Variants in CTC1 observed in about 807,000 individuals in gnomAD.
CTC1 encodes CST telomere replication complex component 1.
In CTC1, 91 loss-of-function variants were observed where a neutral mutation model predicts 136.3. That is an observed-to-expected ratio of 0.67 (90% confidence interval 0.56 to 0.79). The LOEUF (loss-of-function observed/expected upper bound fraction) is 0.79. Among genes scored for constraint, CTC1 ranks in the 30% least tolerant of loss-of-function variants. The pLI is 0.00. For missense variants in CTC1, 1,432 were observed against 1,498.1 expected (o/e 0.96, Z 0.73); for synonymous variants, 606 against 613.8 (o/e 0.99, Z 0.19).
chr17:8,244,236 C>T (rs1224860401), intron 1 of CTC1, among the ~76,000 whole-genome samples: 1 of 152,136 alleles, frequency 6.6e-6, no homozygotes, highest in African/African-American at 2.4e-5. Context: ...CAAGATACAA[C>T]CTCACTTGAT....
rs1060499949 is a variant in CTC1 at position 8,238,625 on chromosome 17, C to T, written c.202G>A (p.Val68Ile). 46 of 1,595,036 alleles carry T rather than the reference C, an allele frequency of 2.9e-5. No individual in the cohort carries two copies. Among genetic ancestry groups the T allele is most frequent in the African/African-American group, 8.1e-5 (6 of 74,434 alleles). The change falls in exon 3 of 23, where the codon GTC becomes ATC. Residue 68 changes from valine to isoleucine, a missense_variant. Physicochemically the swap from Val to Ile is conservative, Grantham distance 29 (BLOSUM62 3). Coordinates refer to ENST00000651323, the MANE Select transcript of CTC1 (RefSeq NM_025099.6). ...GSTLPLSYSFVSVQDLKTHQR... is the reference protein window; with the variant it reads ...GSTLPLSYSFISVQDLKTHQR... The stretch of plus-strand genomic sequence containing the variant: ...TGAGTCTTGAGGTCCTGTACTGAGA[C>T]GAAGCTGTAGAGTGAAGGGAACAGA...
Position 8,234,623 on chromosome 17 carries a change from G to T in CTC1, c.1650C>A (p.Pro550=), listed in dbSNP as rs368449753. ...CTTCTTCTTTCAGGGTGGCCAGAGT[G>T]GGGAAGGAGGAGGGAGTCTGCAGCC... ...YTRLQTPSSF[P]TLATLKEEGQ... The change falls in exon 10 of 23, where the codon CCC becomes CCA. Residue 550 remains proline (P), a synonymous_variant. Transcript: ENST00000651323. The T allele has an allele frequency of 1.2e-6, 2 of 1,612,806 alleles. No homozygotes were observed. Among genetic ancestry groups the T allele is most frequent in the African/African-American group, 1.3e-5 (1 of 74,914 alleles).
Position 8,243,146 on chromosome 17 carries a change from T to C in CTC1, c.36A>G (p.Glu12=), listed in dbSNP as rs1327980092. Residue 12 remains glutamate (E), a splice_region_variant and synonymous_variant, in exon 2 of 23, where the codon GAA becomes GAG. Coordinates refer to ENST00000651323, the MANE Select transcript of CTC1 (RefSeq NM_025099.6). The part of the protein sequence containing the change: ...AAGRAQVPSS[E]QAWLEDAQVF... ...CCTGAGCATCCTCAAGCCAGGCTTGTTCCTGAGGAAAGTGAATTTAGTTAA... is the reference window on the plus strand; with the variant it reads ...CCTGAGCATCCTCAAGCCAGGCTTGCTCCTGAGGAAAGTGAATTTAGTTAA... The C allele has an allele frequency of 1.9e-6, 3 of 1,611,262 alleles. No homozygotes were observed.
intron 2 of CTC1, among the ~76,000 whole-genome samples, chr17:8,239,488 T>A (rs1988032978): frequency 6.6e-6 from 1 of 152,176 alleles, no homozygotes; most frequent in Admixed American, 6.6e-5. Flanking sequence ...ATTCACCTTT[T>A]TGTAATACCA....
chr17:8,236,155 A>G lies in CTC1; in HGVS notation c.980T>C (p.Leu327Ser), dbSNP rs902038280. 3.7e-6 allele frequency: 6 copies of G among 1,614,010 alleles called. No individual in the cohort carries two copies. The highest frequency in any genetic ancestry group is 3.3e-5 in the Admixed American group (2 of 59,990). The stretch of plus-strand genomic sequence containing the variant: ...GGGGAGTGGCTTGGGGTCAGCCTCT[A>G]AGAGGGGTCCTTCCAGCTCCAGTTC... ...ELELELEGPL[L>S]EADPKPLPMP... The change falls in exon 6 of 23, where the codon TTA becomes TCA. Residue 327 changes from leucine to serine, a missense_variant. Coordinates refer to ENST00000651323, the MANE Select transcript of CTC1 (RefSeq NM_025099.6).
In CTC1 at chr17:8,234,570, T is replaced by A; in HGVS notation, c.1703A>T (p.Asp568Val). 6.2e-7 allele frequency: 1 copy of A among 1,600,046 alleles called. No individual in the cohort carries two copies. The highest frequency in any genetic ancestry group is 8.5e-7 in the Non-Finnish European group (1 of 1,173,146). The change falls in exon 10 of 23, where the codon GAC (aspartate) becomes GTC (valine). Residue 568 changes from aspartate (D) to valine (V), a missense_variant. Physicochemically the swap from Asp to Val is radical, Grantham distance 152. Coordinates refer to ENST00000651323, the MANE Select transcript of CTC1 (RefSeq NM_025099.6). ...EGQRKAWASFDPKALLPLPEA... is the reference protein window; with the variant it reads ...EGQRKAWASFVPKALLPLPEA... ...CGGGAGGGGCAGAAGGGCCTTAGGG[T>A]CAAAGGAGGCCCAGGCCTTACGCTG...
rs769707379 is a variant in CTC1 at position 8,236,192 on chromosome 17, C to T, written c.943G>A (p.Val315Met). 1 of 1,614,216 alleles carries T rather than the reference C, an allele frequency of 6.2e-7. No individual in the cohort carries two copies. Among genetic ancestry groups the T allele is most frequent in the South Asian group, 1.1e-5 (1 of 91,082 alleles). ...SRLLLLKPEC[V>M]QELELELEGP... is the part of the protein sequence containing the mutation. ...TCCAGCTCCAGTTCCAGCTCCTGCACACATTCTGGTTTCAGCAGCAACAGA... is the reference window on the plus strand; with the variant it reads ...TCCAGCTCCAGTTCCAGCTCCTGCATACATTCTGGTTTCAGCAGCAACAGA... The change falls in exon 6 of 23, where the codon GTG (valine) becomes ATG (methionine). Residue 315 changes from valine to methionine, a missense_variant. Val to Met is a conservative substitution (Grantham distance 21). Coordinates refer to ENST00000651323, the MANE Select transcript of CTC1 (RefSeq NM_025099.6).
rs775529903 is a variant in CTC1, at chr17:8,243,796, G to A, written c.34-648C>T. 3.9e-4 allele frequency among the ~76,000 whole-genome samples: 59 copies of A among 152,198 alleles called. 1 individual carries two copies. Among genetic ancestry groups the A allele is most frequent in the Non-Finnish European group, 7.8e-4 (53 of 68,034 alleles). Reference sequence around the variant, plus strand: ...GTTCATAAAGAACAGGACAGGCTGGGTGCAGTGGCTCACGCTTGTAATCCC... The same window carrying A: ...GTTCATAAAGAACAGGACAGGCTGGATGCAGTGGCTCACGCTTGTAATCCC... On this transcript the variant is annotated intron_variant, in intron 1 of 22. Coordinates refer to ENST00000651323, the MANE Select transcript of CTC1 (RefSeq NM_025099.6).
At chr17:8,238,858 A>T (rs577367383) in intron 2 of CTC1, among the ~76,000 whole-genome samples, 1 of 152,290 alleles carries the variant, frequency 6.6e-6, no homozygotes, top group Admixed American at 6.5e-5. Flanking sequence ...TGGGAGGCCA[A>T]GGCGGGTGGA....
intron 4 of CTC1, 145 bp from the exon 5 acceptor site, chr17:8,237,664 TCAAAAAAAAAAAAAAAAAA>T: frequency 4.1e-5 from 1 of 24,432 alleles, no homozygotes; most frequent in Non-Finnish European, 7.5e-5. Flanking sequence ...AAACTACGTC[TCAAAAAAAAAAAAAAAAAA>T]AAAAAAAAAA....
chr17:8,231,670 GACCCCA>G, intron 14 of CTC1, 50 bp downstream of exon 14: 1 of 1,530,152 alleles, frequency 6.5e-7, no homozygotes, highest in Non-Finnish European at 9.1e-7. Context: ...GCCCTCTTTA[GACCCCA>G]ACCCCAAAAA....
intron 2 of CTC1, among the ~76,000 whole-genome samples, chr17:8,240,033 G>A (rs1988076828): frequency 6.6e-6 from 1 of 152,082 alleles, no homozygotes; most frequent in Non-Finnish European, 1.5e-5. Flanking sequence ...AAACTCAGAG[G>A]CTCAGGTACA....
At position 8,226,707 on chromosome 17, in the gene CTC1, G is replaced by C. The variant is rs377086928; in HGVS notation, c.*1473C>G. ...CCACGACTACGAGGCTTAGGGCTTC[G>C]TTTTCATCCAATGCCTTTCTTACTT... On this transcript the variant is annotated 3_prime_UTR_variant, in exon 23 of 23. Transcript: ENST00000651323. The C allele has an allele frequency of 2.0e-5, 3 of 152,262 alleles. No individual in the cohort carries two copies. The highest frequency in any genetic ancestry group is 4.1e-4 in the South Asian group (2 of 4,822). The allele number at this position is 152,262 out of a possible 1,614,324, so 9.4% of individuals were successfully genotyped here. A position where few individuals can be genotyped will look rare whatever the true frequency, so the allele number is the denominator to read the frequency against.
rs759069128 is a variant in CTC1, at chr17:8,235,921, G to C, written c.1116C>G (p.Leu372=). The C allele has an allele frequency of 6.2e-7, 1 of 1,613,072 alleles. No homozygotes were observed. The highest frequency in any genetic ancestry group is 8.5e-7 in the Non-Finnish European group (1 of 1,179,162). Residue 372 remains leucine, a synonymous_variant, in exon 7 of 23, where the codon CTC becomes CTG. Coordinates refer to ENST00000651323, the MANE Select transcript of CTC1 (RefSeq NM_025099.6). ...VTGVLNEPAG[L]YELDGQLGLC... is the part of the protein sequence containing the mutation. Reference sequence around the variant, plus strand: ...GCCCCAGCTGCCCATCCAGCTCATAGAGGCCAGCGGGCTCATTCAACACGC... The same window carrying C: ...GCCCCAGCTGCCCATCCAGCTCATACAGGCCAGCGGGCTCATTCAACACGC...
intron 1 of CTC1, 147 bp downstream of exon 1, chr17:8,247,857 G>A (rs1988892910): frequency 5.4e-6 from 4 of 735,028 alleles, no homozygotes; most frequent in Non-Finnish European, 9.5e-6. Context: ...CCAGTAAGAG[G>A]TAGGAGCGGA....
In CTC1 at chr17:8,226,805, C is replaced by T. The variant is rs1287554934; in HGVS notation, c.*1375G>A. ...AAAGACGCGGCGGTTGCACGTGAAC[C>T]TTCCTTTCACCCGGGTGCCCAGAGA... On this transcript the variant is annotated 3_prime_UTR_variant, in exon 23 of 23. Coordinates refer to ENST00000651323, the MANE Select transcript of CTC1 (RefSeq NM_025099.6). 7 of 151,714 alleles carry T rather than the reference C, an allele frequency of 4.6e-5. No homozygotes were observed. Among genetic ancestry groups the T allele is most frequent in the African/African-American group, 4.9e-5 (2 of 41,000 alleles). The allele number at this position is 151,714 out of a possible 1,614,324, so 9.4% of individuals were successfully genotyped here.
chr17:8,233,058 T>C (rs1298513708), intron 10 of CTC1, 26 bp from the exon 11 acceptor site: 1 of 1,612,428 alleles, frequency 6.2e-7, no homozygotes, highest in Non-Finnish European at 8.5e-7. Flanking sequence ...GGTTGAGTTA[T>C]CAAATGTTTA....
In CTC1 at chr17:8,225,244, C is replaced by G. The variant is rs143203149; in HGVS notation, c.*2936G>C. Reference sequence around the variant, plus strand: ...AGATTAGATTCCACTTCTCCCTGTTCTTACAGTGCCGTTAGTGCTGAAAGG... The same window carrying G: ...AGATTAGATTCCACTTCTCCCTGTTGTTACAGTGCCGTTAGTGCTGAAAGG... On this transcript the variant is annotated 3_prime_UTR_variant, in exon 23 of 23. Coordinates refer to ENST00000651323, the MANE Select transcript of CTC1 (RefSeq NM_025099.6). The G allele has an allele frequency of 2.6e-5, 4 of 152,382 alleles. No individual in the cohort carries two copies. In the East Asian group the frequency reaches 7.7e-4, roughly 29 times the overall value. The allele number at this position is 152,382 out of a possible 1,614,324, so 9.4% of individuals were successfully genotyped here. A position where few individuals can be genotyped will look rare whatever the true frequency, so the allele number is the denominator to read the frequency against.
intron 4 of CTC1, among the ~76,000 whole-genome samples, chr17:8,237,798 G>A (rs1317999311): frequency 2.0e-5 from 3 of 146,664 alleles, no homozygotes; most frequent in Non-Finnish European, 4.5e-5. Flanking sequence ...AATGTCCATA[G>A]CCCAAAGCAA....
Sources: gnomAD v4.1 joint callset for allele counts (sites outside exome capture counted in the v4.1 genomes callset) on GRCh38, gnomAD v4.1.1 for gene constraint, MANE v1.5 for transcripts, NCBI Gene and HGNC (gene_info 2026-07-23, HGNC 2026-07-21) for gene names.